QTMAN: variants seen among roughly 807,000 people sequenced by gnomAD.
QTMAN encodes queuosine-tRNA mannosyltransferase.
the QTMAN span, among the ~76,000 whole-genome samples, chr2:144,269,396 C>T: frequency 1.3e-5 from 2 of 152,044 alleles, no homozygotes; most frequent in Non-Finnish European, 2.9e-5. Flanking sequence ...ACCTCAATTG[C>T]CAAAACTTTT....
the QTMAN span, among the ~76,000 whole-genome samples, chr2:143,985,712 C>T: frequency 6.6e-6 from 1 of 150,834 alleles, no homozygotes; most frequent in Non-Finnish European, 1.5e-5. Flanking sequence ...ATTTACAATG[C>T]TATTTTCTTT....
chr2:144,174,345 G>A, the QTMAN span, among the ~76,000 whole-genome samples: 1 of 152,182 alleles, frequency 6.6e-6, no homozygotes, highest in African/African-American at 2.4e-5. Flanking sequence ...AGCTGGGGAT[G>A]TCATAGCCTC....
chr2:144,156,672 A>T, the QTMAN span, among the ~76,000 whole-genome samples: 2 of 152,124 alleles, frequency 1.3e-5, no homozygotes, highest in African/African-American at 2.4e-5. Context: ...TAAATTTAAC[A>T]AACAAAAACA....
the QTMAN span, among the ~76,000 whole-genome samples, chr2:144,083,966 T>C: frequency 6.6e-6 from 1 of 152,238 alleles, no homozygotes; most frequent in Non-Finnish European, 1.5e-5. Flanking sequence ...GTGGTCTGCT[T>C]GTTATGCTTT....
At chr2:144,272,912 G>T in the QTMAN span, among the ~76,000 whole-genome samples, 1 of 152,036 alleles carries the variant, frequency 6.6e-6, no homozygotes, top group Non-Finnish European at 1.5e-5. Context: ...ACAGAAAGCC[G>T]CATATTTTTT....
the QTMAN span, among the ~76,000 whole-genome samples, chr2:144,212,434 C>T: frequency 6.6e-6 from 1 of 152,072 alleles, no homozygotes; most frequent in East Asian, 1.9e-4. Context: ...TGCACTCCAG[C>T]CTGAGCAACA....
At chr2:144,312,204 T>G in the QTMAN span, among the ~76,000 whole-genome samples, 3 of 142,652 alleles carry the variant, frequency 2.1e-5, no homozygotes, top group African/African-American at 7.8e-5. Flanking sequence ...TTTTTTTGAA[T>G]AAAGACAAGA....
the QTMAN span, among the ~76,000 whole-genome samples, chr2:144,185,362 G>A: frequency 6.6e-6 from 1 of 152,214 alleles, no homozygotes; most frequent in Non-Finnish European, 1.5e-5. Context: ...TCTACTGTGG[G>A]TCTGCATAAC....
the QTMAN span, among the ~76,000 whole-genome samples, chr2:143,986,470 C>G: frequency 6.6e-6 from 1 of 152,198 alleles, no homozygotes; most frequent in African/African-American, 2.4e-5. Flanking sequence ...TCTTCCACCA[C>G]CTTCTATGAT....
the QTMAN span, among the ~76,000 whole-genome samples, chr2:144,324,329 C>A: frequency 6.6e-6 from 1 of 152,056 alleles, no homozygotes; most frequent in Non-Finnish European, 1.5e-5. Context: ...TTAAATAGTA[C>A]AAAACCTACT....
chr2:143,952,519 C>T, the QTMAN span, among the ~76,000 whole-genome samples: 2 of 150,876 alleles, frequency 1.3e-5, no homozygotes, highest in Admixed American at 6.6e-5. Flanking sequence ...TTATAAAAAT[C>T]CATCATTATG....
chr2:144,222,774 T>C, the QTMAN span, among the ~76,000 whole-genome samples: 1 of 152,050 alleles, frequency 6.6e-6, no homozygotes, highest in Non-Finnish European at 1.5e-5. Context: ...CGCCACTGCA[T>C]TCCAGCCTAG....
chr2:144,220,619 G>A, the QTMAN span, among the ~76,000 whole-genome samples: 1 of 152,164 alleles, frequency 6.6e-6, no homozygotes, highest in Non-Finnish European at 1.5e-5. Context: ...TTCACACTTT[G>A]CAAACAGTGT....
At chr2:144,162,637 A>G in the QTMAN span, among the ~76,000 whole-genome samples, 2 of 152,208 alleles carry the variant, frequency 1.3e-5, no homozygotes, top group Non-Finnish European at 2.9e-5. Context: ...TAAGGGAAAG[A>G]GCAGCAAAGT....
chr2:144,283,476 A>T, the QTMAN span, among the ~76,000 whole-genome samples: 1 of 152,166 alleles, frequency 6.6e-6, no homozygotes, highest in African/African-American at 2.4e-5. Flanking sequence ...GATCTGACAG[A>T]CCTCGGAGGG....
At chr2:144,043,103 T>C in the QTMAN span, among the ~76,000 whole-genome samples, 3 of 152,148 alleles carry the variant, frequency 2.0e-5, no homozygotes, top group Admixed American at 6.6e-5. Context: ...AACACCTTTT[T>C]TTCCCCGCAA....
chr2:144,322,509 T>A, the QTMAN span, among the ~76,000 whole-genome samples: 1 of 152,208 alleles, frequency 6.6e-6, no homozygotes, highest in Admixed American at 6.5e-5. Context: ...CAAATTTCTT[T>A]CATGCCTAGC....
the QTMAN span, among the ~76,000 whole-genome samples, chr2:143,969,236 C>T: frequency 6.6e-6 from 1 of 152,142 alleles, no homozygotes. Flanking sequence ...TCTGGCTATT[C>T]AAGTACCAGC....
the QTMAN span, among the ~76,000 whole-genome samples, chr2:144,243,006 C>T: frequency 7.4e-5 from 11 of 148,892 alleles, no homozygotes; most frequent in South Asian, 4.3e-4. Context: ...CCTATACTAC[C>T]GTACTAGCAT....
Sources: gnomAD v4.1 joint callset for allele counts (sites outside exome capture counted in the v4.1 genomes callset) on GRCh38, gnomAD v4.1.1 for gene constraint, MANE v1.5 for transcripts, NCBI Gene and HGNC (gene_info 2026-07-23, HGNC 2026-07-21) for gene names.